Variants in CAMK2D observed in about 807,000 individuals in gnomAD.
CAMK2D encodes the protein calcium/calmodulin-dependent protein kinase type II subunit delta.
CAMK2D carries 37 observed loss-of-function variants against 84.0 expected under a neutral mutation model. That is an observed-to-expected ratio of 0.44 (90% CI 0.34 to 0.58). The LOEUF (loss-of-function observed/expected upper bound fraction) is 0.58, where lower values mean the gene tolerates loss of function less well. CAMK2D is among the 20% of genes least tolerant of loss of function. The pLI is 0.02. For missense variants in CAMK2D, 448 were observed against 652.5 expected (o/e 0.69, Z 3.41); for synonymous variants, 202 against 212.5 (o/e 0.95, Z 0.43).
intron 12 of CAMK2D, 32 bp from the exon 13 acceptor site, chr4:113,509,707 G>A (rs1462891600): frequency 6.5e-7 from 1 of 1,541,754 alleles, no homozygotes; most frequent in Non-Finnish European, 9.0e-7. Flanking sequence ...AGTTTAGTGA[G>A]TTATCCATAG....
At chr4:113,691,245 T>C (rs911501914) in intron 2 of CAMK2D, among the ~76,000 whole-genome samples, 8 of 152,222 alleles carry the variant, frequency 5.3e-5, no homozygotes, top group African/African-American at 1.9e-4. Context: ...CTACCTAGTT[T>C]GCATGGAGTG....
chr4:113,741,353 A>T (rs2099592411), intron 2 of CAMK2D, among the ~76,000 whole-genome samples: 1 of 152,166 alleles, frequency 6.6e-6, no homozygotes, highest in Non-Finnish European at 1.5e-5. Flanking sequence ...TTGCTGTCGC[A>T]CTTCAAACTG....
At chr4:113,727,959 T>C (rs1282970677) in intron 2 of CAMK2D, among the ~76,000 whole-genome samples, 3 of 152,112 alleles carry the variant, frequency 2.0e-5, no homozygotes, top group Admixed American at 2.0e-4. Flanking sequence ...AAAACCACAC[T>C]GAGATACCAG....
At chr4:113,564,861 A>G (rs2098714910) in intron 4 of CAMK2D, among the ~76,000 whole-genome samples, 1 of 152,210 alleles carries the variant, frequency 6.6e-6, no homozygotes, top group Non-Finnish European at 1.5e-5. Context: ...CCTATATTAG[A>G]TGAGGAATAT....
At chr4:113,603,284 C>A (rs372255844) in intron 4 of CAMK2D, among the ~76,000 whole-genome samples, 2 of 151,444 alleles carry the variant, frequency 1.3e-5, no homozygotes, top group Non-Finnish European at 2.9e-5. Context: ...CATATGTATA[C>A]ATGTGCCATG....
intron 8 of CAMK2D, among the ~76,000 whole-genome samples, chr4:113,530,818 C>T (rs961148011): frequency 3.3e-5 from 5 of 152,206 alleles, no homozygotes; most frequent in Non-Finnish European, 4.4e-5. Flanking sequence ...GGCATGCTGG[C>T]TCACACCTGT....
chr4:113,560,109 T>G (rs762520365), intron 4 of CAMK2D, among the ~76,000 whole-genome samples: 2 of 151,632 alleles, frequency 1.3e-5, no homozygotes, highest in African/African-American at 2.4e-5. Context: ...GTGTAGATGC[T>G]TACAAAGGAA....
Position 113,761,124 on chromosome 4 carries a change from G to C in CAMK2D, c.-56C>G, listed in dbSNP as rs963140190. The C allele has an allele frequency of 6.8e-6, 11 of 1,611,242 alleles. No individual in the cohort carries two copies. The highest frequency in any genetic ancestry group is 2.2e-5 in the South Asian group (2 of 91,068). ...CGCGACGGACCAGAAGCGAGCAGAC[G>C]CGCGGCTAACCCCGGGACTGGCCCC... On this transcript the variant is annotated 5_prime_UTR_variant, in exon 1 of 21. Transcript: ENST00000511664.
intron 2 of CAMK2D, among the ~76,000 whole-genome samples, chr4:113,757,630 T>C (rs10018022): frequency 0.68 from 103,127 of 152,002 alleles, 35,934 homozygotes; most frequent in African/African-American, 0.83. Flanking sequence ...AGTTCCTTTT[T>C]CTAAGTAGAA....
At chr4:113,465,666 T>C in intron 16 of CAMK2D, 62 bp from the exon 17 acceptor site, 3 of 1,058,616 alleles carry the variant, frequency 2.8e-6, no homozygotes, top group East Asian at 4.8e-5. Flanking sequence ...AAATATTCTT[T>C]TTCATTTTTA....
intron 2 of CAMK2D, among the ~76,000 whole-genome samples, chr4:113,724,773 G>A (rs1024320443): frequency 2.0e-5 from 3 of 151,808 alleles, no homozygotes; most frequent in Non-Finnish European, 4.4e-5. Flanking sequence ...TTAAGGTAAC[G>A]TTAGATAATA....
At chr4:113,720,232 A>T (rs73842208) in intron 2 of CAMK2D, among the ~76,000 whole-genome samples, 15,949 of 151,986 alleles carry the variant, frequency 0.1, 1,370 homozygotes, top group African/African-American at 0.24. Context: ...TACCTGTGCC[A>T]CCAGTTAAAG....
chr4:113,749,937 CT>C (rs1322988180), intron 2 of CAMK2D, among the ~76,000 whole-genome samples: 1 of 152,196 alleles, frequency 6.6e-6, no homozygotes, highest in Non-Finnish European at 1.5e-5. Flanking sequence ...TCATAAGTTT[CT>C]CTTTGAAGCA....
At chr4:113,509,401 TAAC>T (rs2098178649) in intron 13 of CAMK2D, among the ~76,000 whole-genome samples, 1 of 152,320 alleles carries the variant, frequency 6.6e-6, no homozygotes, top group African/African-American at 2.4e-5. Flanking sequence ...CTATATTGTA[TAAC>T]AACATTATTT....
intron 16 of CAMK2D, among the ~76,000 whole-genome samples, chr4:113,470,374 G>A (rs955925246): frequency 7.2e-5 from 11 of 152,216 alleles, no homozygotes; most frequent in East Asian, 3.9e-4. Context: ...GGCCAGGCGC[G>A]GTGGCTCATG....
In CAMK2D at chr4:113,538,470, T is replaced by C. The variant is rs140271251; in HGVS notation, c.415-1027A>G. ...TTGGGTTAGAATGTATATGGGAGAG[T>C]GGTTTGGGGACAAAACCCAGCAAAT... On this transcript the variant is annotated intron_variant, in intron 6 of 20. Transcript: ENST00000511664. Among the ~76,000 whole-genome samples the C allele has an allele frequency of 1.2e-3, 188 of 151,994 alleles. 1 individual carries two copies. The highest frequency in any genetic ancestry group is 4.3e-3 in the African/African-American group (177 of 41,454).
At chr4:113,727,921 A>G (rs942988007) in intron 2 of CAMK2D, among the ~76,000 whole-genome samples, 1 of 152,198 alleles carries the variant, frequency 6.6e-6, no homozygotes, top group Non-Finnish European at 1.5e-5. Context: ...GGGACCCAAT[A>G]TCATTTGTCT....
In CAMK2D at chr4:113,514,119, A is replaced by G. The variant is rs145645076; in HGVS notation, c.820-206T>C. ...ACCAAGATGCAACACTGACGTATAG[A>G]AAGTATAGAAATGGGCCGGGCGCGG... On this transcript the variant is annotated intron_variant, in intron 10 of 20. Coordinates refer to ENST00000511664, the MANE Select transcript of CAMK2D (RefSeq NM_001321571.2). Among the ~76,000 whole-genome samples, 585 of 152,350 alleles carry G rather than the reference A, an allele frequency of 3.8e-3. 5 individuals are homozygous for G. Among genetic ancestry groups the G allele is most frequent in the African/African-American group, 0.014 (565 of 41,574 alleles).
intron 17 of CAMK2D, among the ~76,000 whole-genome samples, chr4:113,464,098 C>T (rs911370890): frequency 5.3e-5 from 8 of 152,226 alleles, no homozygotes; most frequent in Non-Finnish European, 1.0e-4. Context: ...GTGTTTTATT[C>T]CATGGTGGAG....
Sources: gnomAD v4.1 joint callset for allele counts (sites outside exome capture counted in the v4.1 genomes callset) on GRCh38, gnomAD v4.1.1 for gene constraint, MANE v1.5 for transcripts, NCBI Gene and HGNC (gene_info 2026-07-23, HGNC 2026-07-21) for gene names.